Variants in KALRN observed in about 807,000 individuals in gnomAD.
KALRN encodes the protein kalirin.
KALRN carries 70 observed loss-of-function variants against 353.7 expected under a neutral mutation model. The observed-to-expected ratio is 0.20, with a 90% confidence interval of 0.16 to 0.24. The LOEUF is 0.24. Ranked by LOEUF, KALRN falls within the 10% of genes least tolerant of loss-of-function variation. The pLI, the probability that KALRN is intolerant of heterozygous loss-of-function variation, is 1.00. For missense variants in KALRN, 2,791 were observed against 3,756.7 expected, an observed-to-expected ratio of 0.74 and a Z score of 6.72; for synonymous variants, 1,391 against 1,434.8, an observed-to-expected ratio of 0.97 and a Z score of 0.69.
At chr3:124,609,615 G>A (rs1205050685) in intron 34 of KALRN, among the ~76,000 whole-genome samples, 3 of 152,218 alleles carry the variant, frequency 2.0e-5, no homozygotes, top group African/African-American at 7.2e-5. Context: ...GCCTGGGAAG[G>A]AAAATGAGAG....
At chr3:124,223,783 C>T (rs1040523053) in intron 1 of KALRN, among the ~76,000 whole-genome samples, 3 of 152,142 alleles carry the variant, frequency 2.0e-5, no homozygotes, top group African/African-American at 7.2e-5. Flanking sequence ...TTACCATTGC[C>T]GTGTAAGGTC....
At chr3:124,634,519 G>T (rs186633260) in intron 36 of KALRN, among the ~76,000 whole-genome samples, 91 of 152,320 alleles carry the variant, frequency 6.0e-4, no homozygotes, top group South Asian at 3.3e-3. Context: ...GCATGCATAG[G>T]CTCACTGGTA....
intron 1 of KALRN, chr3:124,094,779 C>A (rs751409454): frequency 6.9e-7 from 1 of 1,439,108 alleles, no homozygotes; most frequent in Non-Finnish European, 9.8e-7. Context: ...CTCGAGTCAG[C>A]GGTGGTGGGA....
At chr3:124,361,074 T>A (rs1272172545) in intron 10 of KALRN, among the ~76,000 whole-genome samples, 1 of 152,206 alleles carries the variant, frequency 6.6e-6, no homozygotes, top group African/African-American at 2.4e-5. Context: ...ATAGATTTAC[T>A]GTTAATATTT....
chr3:124,571,863 A>G (rs1038094595), intron 34 of KALRN, among the ~76,000 whole-genome samples: 3 of 151,670 alleles, frequency 2.0e-5, no homozygotes, highest in Admixed American at 6.6e-5. Flanking sequence ...CCTGAGCTCA[A>G]GCAATCTGCC....
In KALRN at chr3:124,531,872, C is replaced by A. The variant is rs146095826; in HGVS notation, c.4936-30971C>A. On this transcript the variant is annotated intron_variant, in intron 33 of 59. Coordinates refer to ENST00000682506, the MANE Select transcript of KALRN (RefSeq NM_001388419.1). ...GTCCTACTACCCTAATTTCTACTCA[C>A]CCCTGTCCATGAATGATAGGTCTCA... 9.5e-4 allele frequency among the ~76,000 whole-genome samples: 145 copies of A among 152,282 alleles called. 3 individuals carry two copies. The East Asian group carries it at 0.027, about 28-fold the overall frequency.
intron 41 of KALRN, among the ~76,000 whole-genome samples, chr3:124,658,143 C>A (rs2084323985): frequency 6.6e-6 from 1 of 152,154 alleles, no homozygotes. Flanking sequence ...GGTGACAGAG[C>A]AAGACCCTGT....
chr3:124,198,584 G>A (rs917234674), intron 1 of KALRN, among the ~76,000 whole-genome samples: 2 of 152,158 alleles, frequency 1.3e-5, no homozygotes, highest in Non-Finnish European at 2.9e-5. Flanking sequence ...TCCCAGGGAG[G>A]GCAACATCCC....
At position 124,344,128 on chromosome 3, in the gene KALRN, T is replaced by G. The variant is rs1027252750; in HGVS notation, c.1648-3015T>G. 2.0e-5 allele frequency among the ~76,000 whole-genome samples: 3 copies of G among 152,220 alleles called. No homozygotes were observed. In the South Asian group the frequency reaches 6.2e-4, roughly 32 times the overall value. Reference sequence around the variant, plus strand: ...TGCCTTGTAGATGAAGAGAAATTATTCAGGAATAAGATTATAAGGAGTACC... The same window carrying G: ...TGCCTTGTAGATGAAGAGAAATTATGCAGGAATAAGATTATAAGGAGTACC... On this transcript the variant is annotated intron_variant, in intron 9 of 59. Transcript: ENST00000682506.
chr3:124,658,010 C>T (rs1385406976), intron 41 of KALRN, among the ~76,000 whole-genome samples: 1 of 152,058 alleles, frequency 6.6e-6, no homozygotes, highest in Admixed American at 6.5e-5. Context: ...AAAAATTAAC[C>T]AAGGCTGGTG....
chr3:124,166,954 A>C (rs1372634973), intron 1 of KALRN, among the ~76,000 whole-genome samples: 1 of 152,156 alleles, frequency 6.6e-6, no homozygotes, highest in Non-Finnish European at 1.5e-5. Context: ...CTGAGACAGG[A>C]GAATCATTTG....
At chr3:124,516,536 T>C (rs919829875) in intron 33 of KALRN, among the ~76,000 whole-genome samples, 2 of 151,994 alleles carry the variant, frequency 1.3e-5, no homozygotes, top group Non-Finnish European at 2.9e-5. Flanking sequence ...CTCTTCAGAA[T>C]TTTAACAACC....
chr3:124,700,083 T>A, intron 56 of KALRN, 50 bp downstream of exon 56: 1 of 1,586,822 alleles, frequency 6.3e-7, no homozygotes, highest in Non-Finnish European at 8.6e-7. Flanking sequence ...TTGAGGCACC[T>A]GGCTGCCTGT....
chr3:124,523,126 CA>C, intron 33 of KALRN, among the ~76,000 whole-genome samples: 1 of 152,298 alleles, frequency 6.6e-6, no homozygotes, highest in African/African-American at 2.4e-5. Context: ...AAAATTGAGA[CA>C]AAAAGAGGTT....
chr3:124,723,735 A>T lies in KALRN; in HGVS notation c.*4265A>T, dbSNP rs1024088589. ...GGGTTAGGAGAGCTGATGAAGTCTT[A>T]TGTCCATAAGTTGTTTTCTCCAGTA... On this transcript the variant is annotated 3_prime_UTR_variant, in exon 60 of 60. Transcript: ENST00000682506. 4.6e-5 allele frequency: 7 copies of T among 152,222 alleles called. No homozygotes were observed. Among genetic ancestry groups the T allele is most frequent in the African/African-American group, 1.7e-4 (7 of 41,454 alleles). 9.4% of individuals were successfully genotyped at this position (152,222 alleles called of 1,614,324 possible).
chr3:124,381,806 A>G (rs1342967062), intron 10 of KALRN, among the ~76,000 whole-genome samples: 1 of 152,198 alleles, frequency 6.6e-6, no homozygotes, highest in East Asian at 1.9e-4. Flanking sequence ...AAGACATGGA[A>G]ACTGCCTTTA....
chr3:124,536,300 C>T (rs1405866314), intron 33 of KALRN, among the ~76,000 whole-genome samples: 1 of 145,644 alleles, frequency 6.9e-6, no homozygotes, highest in Admixed American at 7.2e-5. Flanking sequence ...CTCCCAGGTT[C>T]AAGTGATTCG....
chr3:124,291,198 C>A (rs1024128069), intron 5 of KALRN, among the ~76,000 whole-genome samples: 1 of 152,168 alleles, frequency 6.6e-6, no homozygotes, highest in African/African-American at 2.4e-5. Context: ...AAACTCCATG[C>A]CCCATGGGAA....
chr3:124,509,660 G>A (rs1205266144), intron 33 of KALRN, among the ~76,000 whole-genome samples: 1 of 152,140 alleles, frequency 6.6e-6, no homozygotes, highest in Non-Finnish European at 1.5e-5. Context: ...TTAAATTAAT[G>A]TTTGTTACAT....
Sources: gnomAD v4.1 joint callset for allele counts (sites outside exome capture counted in the v4.1 genomes callset) on GRCh38, gnomAD v4.1.1 for gene constraint, MANE v1.5 for transcripts, NCBI Gene and HGNC (gene_info 2026-07-23, HGNC 2026-07-21) for gene names.